Variants in PFAS observed in about 807,000 individuals in gnomAD.
The protein encoded by PFAS is FGAM synthase.
A neutral mutation model predicts 140.6 loss-of-function variants in PFAS; 97 were observed. That is an observed-to-expected ratio of 0.69 (90% CI 0.59 to 0.82). The LOEUF (loss-of-function observed/expected upper bound fraction) is 0.82, where lower values mean the gene tolerates loss of function less well. Ranked by LOEUF, PFAS falls within the 40% of genes least tolerant of loss-of-function variation. The pLI, the probability that PFAS is intolerant of heterozygous loss-of-function variation, is 0.00. For missense variants in PFAS, 1,656 were observed against 1,780.2 expected (o/e 0.93, Z 1.26); for synonymous variants, 679 against 718.8 (o/e 0.94, Z 0.88).
chr17:8,258,648 C>G (rs1989469831), intron 11 of PFAS, among the ~76,000 whole-genome samples: 1 of 152,076 alleles, frequency 6.6e-6, no homozygotes, highest in African/African-American at 2.4e-5. Flanking sequence ...CAAGACCAGC[C>G]TGACCAACAT....
In PFAS at chr17:8,266,200, C is replaced by T. The variant is rs983140520; in HGVS notation, c.2702-34C>T. 6.2e-7 allele frequency: 1 copy of T among 1,612,052 alleles called. No individual in the cohort carries two copies. Among genetic ancestry groups the T allele is most frequent in the Non-Finnish European group, 8.5e-7 (1 of 1,178,838 alleles). The stretch of plus-strand genomic sequence containing the variant: ...GGGGTGGGGCTGTCAGGTTTGGGTC[C>T]CGAGGTTGCTGAGCTTTCTTCTCCT... On this transcript the variant is annotated intron_variant, in intron 21 of 27. Coordinates refer to ENST00000314666, the MANE Select transcript of PFAS (RefSeq NM_012393.3). This position sits in a 1 kb window ranked among gnomAD's most constrained non-coding sequence, Gnocchi z 5.0.
Position 8,263,167 on chromosome 17 carries a change from A to T in PFAS, c.1469A>T (p.Glu490Val). 1.9e-6 allele frequency: 3 copies of T among 1,613,890 alleles called. No individual in the cohort carries two copies. Among genetic ancestry groups the T allele is most frequent in the Non-Finnish European group, 2.5e-6 (3 of 1,179,830 alleles). ...DFGAVQRGDPEMEQKMNRVIR... is the reference protein window; with the variant it reads ...DFGAVQRGDPVMEQKMNRVIR... ...GGGGCTGTGCAGCGAGGAGACCCGG[A>T]GATGGAACAGAAGATGAACCGTGTG... is the stretch of plus-strand genomic sequence containing the variant. Residue 490 changes from glutamate to valine, a missense_variant, in exon 13 of 28, where the codon GAG becomes GTG. Around this residue, in one of 2 missense-constraint regions of PFAS, gnomAD observed 773 missense variants for 757.3 expected, o/e 1.02. Transcript: ENST00000314666.
In PFAS at chr17:8,266,637, ACT is replaced by A; in HGVS notation, c.2822-111_2822-110del. On this transcript the variant is annotated intron_variant, in intron 22 of 27. Transcript: ENST00000314666. The surrounding 1 kb of genome is among the most constrained non-coding windows in gnomAD (Gnocchi z 5.0). ...CCTCATCCTCCCTGATCCCTACCCTACTCTCTGGCTGCATCCCTCTGACCCTC... is the reference window on the plus strand; with the variant it reads ...CCTCATCCTCCCTGATCCCTACCCTACTCTGGCTGCATCCCTCTGACCCTC... The A allele has an allele frequency of 1.3e-6, 2 of 1,502,028 alleles. No individual in the cohort carries two copies. The highest frequency in any genetic ancestry group is 2.3e-5 in the East Asian group (1 of 43,736). The allele number at this position is 1,502,028 out of a possible 1,614,324, so 93.0% of individuals were successfully genotyped here.
rs1453520489 is a variant in PFAS, at chr17:8,253,729, G to A, written c.-79-130G>A. 8 of 491,944 alleles carry A rather than the reference G, an allele frequency of 1.6e-5. No homozygotes were observed. The South Asian group carries it at 2.2e-4, about 13-fold the overall frequency. 30.5% of individuals were successfully genotyped at this position (491,944 alleles called of 1,614,324 possible). A position where few individuals can be genotyped will look rare whatever the true frequency, so the allele number is the denominator to read the frequency against. ...TAATTTTATATTTTTAGTAGAGACAGGGTTTCACTATGTTGGCCGGGCTGA... is the reference window on the plus strand; with the variant it reads ...TAATTTTATATTTTTAGTAGAGACAAGGTTTCACTATGTTGGCCGGGCTGA... On this transcript the variant is annotated intron_variant, in intron 1 of 27. Transcript: ENST00000314666.
chr17:8,249,663 C>T (rs1391435888), intron 1 of PFAS, among the ~76,000 whole-genome samples: 1 of 152,198 alleles, frequency 6.6e-6, no homozygotes, highest in Non-Finnish European at 1.5e-5. Flanking sequence ...CAAACCCTGT[C>T]TCTGAGCTCT....
chr17:8,249,612 T>G (rs11078736), intron 1 of PFAS: 85,877 of 152,142 alleles, frequency 0.56, 27,022 homozygotes, highest in Non-Finnish European at 0.73. Flanking sequence ...CTACTTTATA[T>G]CAGGCACCAT....
Position 8,263,817 on chromosome 17 carries a change from G to A in PFAS, c.1672G>A (p.Glu558Lys). The change falls in exon 15 of 28, where the codon GAG (glutamate) becomes AAG (lysine). Residue 558 changes from glutamate (E) to lysine (K), a missense_variant. By Grantham distance (56) the Glu-to-Lys change is moderately conservative. Coordinates refer to ENST00000314666, the MANE Select transcript of PFAS (RefSeq NM_012393.3). Reference protein sequence around the residue: ...TLNALEIWGAEYQESNALLLR... With the variant: ...TLNALEIWGAKYQESNALLLR... ...GAATGCCCTGGAAATCTGGGGGGCT[G>A]AGTACCAGGAATCAAATGCTCTTCT... The A allele has an allele frequency of 1.2e-6, 2 of 1,614,134 alleles. No individual in the cohort carries two copies. The highest frequency in any genetic ancestry group is 1.7e-6 in the Non-Finnish European group (2 of 1,180,012).
rs2151599325 is a variant in PFAS at position 8,269,311 on chromosome 17, G to A, written c.*47G>A. Reference sequence around the variant, plus strand: ...GGCCCCATGGCTTTTCACCTAAGTGGGTCCTGCCCCCTCCCCCATGACCTT... The same window carrying A: ...GGCCCCATGGCTTTTCACCTAAGTGAGTCCTGCCCCCTCCCCCATGACCTT... On this transcript the variant is annotated 3_prime_UTR_variant, in exon 28 of 28. Transcript: ENST00000314666. The A allele has an allele frequency of 1.4e-6, 2 of 1,383,506 alleles. No individual in the cohort carries two copies. The highest frequency in any genetic ancestry group is 2.3e-5 in the East Asian group (1 of 43,002). The allele number at this position is 1,383,506 out of a possible 1,614,324, so 85.7% of individuals were successfully genotyped here.
intron 26 of PFAS, among the ~76,000 whole-genome samples, chr17:8,268,111 G>T (rs1989904852): frequency 6.9e-6 from 1 of 144,516 alleles, no homozygotes; most frequent in Non-Finnish European, 1.5e-5. Flanking sequence ...GCCCAGGCTG[G>T]AGTGCAATGG....
At chr17:8,259,069 C>T (rs1164818947) in intron 11 of PFAS, among the ~76,000 whole-genome samples, 2 of 148,968 alleles carry the variant, frequency 1.3e-5, no homozygotes, top group Admixed American at 6.7e-5. Flanking sequence ...CCACTTGAAG[C>T]TGGGAGGTGG....
upstream of PFAS, chr17:8,248,221 C>T (rs1173606093): frequency 1.1e-4 from 66 of 606,820 alleles, 3 homozygotes; most frequent in Admixed American, 1.9e-3. Flanking sequence ...TCCCAACTCC[C>T]GACACCCCTG....
chr17:8,255,593 A>G lies in PFAS; in HGVS notation c.476A>G (p.Gln159Arg). The G allele has an allele frequency of 2.5e-6, 4 of 1,573,498 alleles. No individual in the cohort carries two copies. Among genetic ancestry groups the G allele is most frequent in the Non-Finnish European group, 3.4e-6 (4 of 1,163,474 alleles). ...MTEQHFPHPI[Q>R]SFSPESMPEP... is the part of the protein sequence containing the mutation. The stretch of plus-strand genomic sequence containing the variant: ...GAGCAGCACTTCCCCCATCCCATCC[A>G]GAGTTTCTCCCCTGAGAGCATGCCG... The change falls in exon 5 of 28, where the codon CAG becomes CGG. Residue 159 changes from glutamine (Q) to arginine (R), a missense_variant. This residue lies in a region of PFAS where 773 missense variants were observed against 757.3 expected (regional missense o/e 1.02). Transcript: ENST00000314666.
chr17:8,263,455 G>T, intron 13 of PFAS, 120 bp from the exon 14 acceptor site: 5 of 1,031,460 alleles, frequency 4.8e-6, no homozygotes, highest in Non-Finnish European at 7.5e-6. Flanking sequence ...TGGTGGTAAG[G>T]GTGCGGCAGC....
chr17:8,262,728 G>A (rs771792445), intron 11 of PFAS, among the ~76,000 whole-genome samples, 192 bp from the exon 12 acceptor site: 1 of 151,940 alleles, frequency 6.6e-6, no homozygotes, highest in Admixed American at 6.6e-5. Context: ...CCCAGGAGAC[G>A]GAGGTTGCAG....
chr17:8,255,819 T>TC lies in PFAS; in HGVS notation c.590dup (p.Trp198LeufsTer24), dbSNP rs1989338716. The TC allele has an allele frequency of 6.2e-7, 1 of 1,613,950 alleles. No homozygotes were observed. The highest frequency in any genetic ancestry group is 8.5e-7 in the Non-Finnish European group (1 of 1,179,860). On this transcript the variant is annotated frameshift_variant, in exon 6 of 28. Coordinates refer to ENST00000314666, the MANE Select transcript of PFAS (RefSeq NM_012393.3). LOFTEE classifies it high-confidence loss of function. ...TTGTCTCCTAGGTCTGGCTTTAGACTCTTGGGACCTAGACTTCTACACCAA... is the reference window on the plus strand; with the variant it reads ...TTGTCTCCTAGGTCTGGCTTTAGACTCCTTGGGACCTAGACTTCTACACCAA...
rs1168166972 is a variant in PFAS at position 8,265,616 on chromosome 17, A to T, written c.2522A>T (p.Asp841Val). 6.2e-7 allele frequency: 1 copy of T among 1,613,828 alleles called. No individual in the cohort carries two copies. Among genetic ancestry groups the T allele is most frequent in the South Asian group, 1.1e-5 (1 of 91,074 alleles). The change falls in exon 20 of 28, where the codon GAC becomes GTC. Residue 841 changes from aspartate to valine, a missense_variant. Asp to Val is a radical substitution (Grantham distance 152). Transcript: ENST00000314666. ...GACATCACAGCCACTGTGACCCCAGACCTCAAGCATCCTGAAGGGAGAGGT... is the reference window on the plus strand; with the variant it reads ...GACATCACAGCCACTGTGACCCCAGTCCTCAAGCATCCTGAAGGGAGAGGT... ...CPDITATVTP[D>V]LKHPEGRGHL...
Position 8,265,423 on chromosome 17 carries a change from C to T in PFAS, c.2416C>T (p.Leu806Phe), listed in dbSNP as rs955753021. The T allele has an allele frequency of 2.5e-6, 4 of 1,614,032 alleles. No homozygotes were observed. Among genetic ancestry groups the T allele is most frequent in the African/African-American group, 2.7e-5 (2 of 74,916 alleles). Reference sequence around the variant, plus strand: ...GGCAGTGGATGGTGGCAAGGACTCCCTCAGCATGGCTGCTCGGGTTGGCAC... The same window carrying T: ...GGCAGTGGATGGTGGCAAGGACTCCTTCAGCATGGCTGCTCGGGTTGGCAC... ...GVAVDGGKDS[L>F]SMAARVGTET... Residue 806 changes from leucine to phenylalanine, a missense_variant, in exon 19 of 28, where the codon CTC becomes TTC. Transcript: ENST00000314666.
rs1216350634 is a variant in PFAS, at chr17:8,269,232, G to T, written c.3985G>T (p.Ala1329Ser). Residue 1329 changes from alanine to serine, a missense_variant, in exon 28 of 28, where the codon GCC becomes TCC. Transcript: ENST00000314666. ...TSPWLQLFIN[A>S]RNWTLEGSC ...CCCCTGGCTCCAGCTCTTTATCAAT[G>T]CCCGAAACTGGACCCTGGAAGGGAG... is the stretch of plus-strand genomic sequence containing the variant. The T allele has an allele frequency of 6.2e-7, 1 of 1,611,636 alleles. No homozygotes were observed. Among genetic ancestry groups the T allele is most frequent in the Non-Finnish European group, 8.5e-7 (1 of 1,178,534 alleles).
At chr17:8,260,726 G>T (rs567560803) in intron 11 of PFAS, among the ~76,000 whole-genome samples, 1 of 152,172 alleles carries the variant, frequency 6.6e-6, no homozygotes, top group African/African-American at 2.4e-5. Context: ...CCGGGTTCAC[G>T]CCACTCTCCT....
Sources: allele counts gnomAD v4.1 joint callset (sites outside exome capture counted in the v4.1 genomes callset), GRCh38; gene constraint gnomAD v4.1.1; regional missense constraint gnomAD v4.1.1; non-coding constraint Gnocchi (gnomAD v3.1); transcripts MANE v1.5; gene names NCBI Gene and HGNC (gene_info 2026-07-23, HGNC 2026-07-21).